Variants in SLC2A9 observed in about 807,000 individuals in gnomAD.
SLC2A9 encodes solute carrier family 2, facilitated glucose transporter member 9.
A neutral mutation model predicts 50.6 loss-of-function variants in SLC2A9; 39 were observed. The observed-to-expected ratio is 0.77, with a 90% CI of 0.60 to 1.01. The LOEUF (loss-of-function observed/expected upper bound fraction) is 1.01. Ranked by LOEUF, SLC2A9 falls within the 50% of genes least tolerant of loss-of-function variation. The pLI is 0.00. For missense variants in SLC2A9, 686 were observed against 677.6 expected, an observed-to-expected ratio of 1.01 and a Z score of -0.14; for synonymous variants, 324 against 276.9, an observed-to-expected ratio of 1.17 and a Z score of -1.69.
intron 10 of SLC2A9, among the ~76,000 whole-genome samples, chr4:9,839,911 A>C (rs890027902): frequency 6.6e-6 from 1 of 152,174 alleles, no homozygotes; most frequent in East Asian, 1.9e-4. Context: ...AATAATCTGC[A>C]TAACAAACCC....
chr4:9,982,204 C>T (rs969362812), intron 4 of SLC2A9, among the ~76,000 whole-genome samples: 6 of 152,198 alleles, frequency 3.9e-5, no homozygotes, highest in Non-Finnish European at 8.8e-5. Context: ...TTATTACAAA[C>T]AGATCGGCCA....
chr4:9,782,759 A>G (rs1560112212), intron 3 of SLC2A9: 8 of 1,613,894 alleles, frequency 5.0e-6, no homozygotes, highest in Non-Finnish European at 5.9e-6. Context: ...CATGATCGTG[A>G]CCTACACGCG....
chr4:10,009,003 G>A (rs939819556), intron 2 of SLC2A9, among the ~76,000 whole-genome samples: 1 of 151,778 alleles, frequency 6.6e-6, no homozygotes, highest in African/African-American at 2.4e-5. Context: ...GGGGGTGAGG[G>A]GACAAAACTC....
chr4:9,773,397 T>A (rs1329438680), intron 1 of SLC2A9, among the ~76,000 whole-genome samples: 1 of 152,230 alleles, frequency 6.6e-6, no homozygotes, highest in Non-Finnish European at 1.5e-5. Flanking sequence ...TCTTTTGATA[T>A]CAGCAGTGGG....
At chr4:9,773,763 G>C (rs1311313855) in intron 1 of SLC2A9, among the ~76,000 whole-genome samples, 1 of 152,166 alleles carries the variant, frequency 6.6e-6, no homozygotes, top group African/African-American at 2.4e-5. Context: ...TTGGTTTCCA[G>C]TAGCTTTTAA....
At chr4:10,019,888 A>G (rs1763289802) in intron 1 of SLC2A9, among the ~76,000 whole-genome samples, 1 of 152,244 alleles carries the variant, frequency 6.6e-6, no homozygotes, top group Admixed American at 6.5e-5. Flanking sequence ...ATAGGGCAGA[A>G]ACACCTGGAT....
At chr4:9,944,327 ACT>A (rs532712729) in intron 5 of SLC2A9, among the ~76,000 whole-genome samples, 7 of 151,922 alleles carry the variant, frequency 4.6e-5, no homozygotes, top group Non-Finnish European at 1.0e-4. Context: ...TGAGATGGAC[ACT>A]CTCTATTTCC....
At chr4:9,771,261 G>C (rs1402426011) in exon 2 of SLC2A9, 2 of 379,540 alleles carry the variant, frequency 5.3e-6, no homozygotes, top group East Asian at 7.5e-5. Flanking sequence ...GAAAAAGAAG[G>C]GTTTCATATC....
chr4:9,947,027 A>T (rs1749303939), intron 5 of SLC2A9, among the ~76,000 whole-genome samples: 3 of 152,178 alleles, frequency 2.0e-5, no homozygotes, highest in Admixed American at 2.0e-4. Context: ...CAGTGGAAAG[A>T]GCTGGGGTGG....
intron 10 of SLC2A9, among the ~76,000 whole-genome samples, chr4:9,869,986 G>C (rs1199062025): frequency 6.6e-6 from 1 of 152,272 alleles, no homozygotes; most frequent in African/African-American, 2.4e-5. Flanking sequence ...CCTTGTAAGA[G>C]TGTGGAAGAT....
At chr4:9,782,440 C>G (rs1560111557) in intron 3 of SLC2A9, 1 of 1,614,022 alleles carries the variant, frequency 6.2e-7, no homozygotes, top group East Asian at 2.2e-5. Context: ...TCAGCGTGGA[C>G]CGCTACTGGG....
intron 10 of SLC2A9, among the ~76,000 whole-genome samples, chr4:9,859,386 A>G (rs1731249237): frequency 6.6e-6 from 1 of 152,214 alleles, no homozygotes; most frequent in Non-Finnish European, 1.5e-5. Flanking sequence ...AGCTATATTG[A>G]CTGGTAAGAC....
At chr4:10,022,757 A>G (rs1763591129), upstream of SLC2A9, among the ~76,000 whole-genome samples, 1 of 152,160 alleles carries the variant, frequency 6.6e-6, no homozygotes, top group African/African-American at 2.4e-5. Context: ...CATTCCAGGA[A>G]CCTGGAATGT....
chr4:9,958,284 G>A (rs775301870), intron 5 of SLC2A9, among the ~76,000 whole-genome samples: 3 of 152,190 alleles, frequency 2.0e-5, no homozygotes, highest in Non-Finnish European at 4.4e-5. Flanking sequence ...TGCAGGAAAT[G>A]ATTTAGCAAA....
intron 10 of SLC2A9, among the ~76,000 whole-genome samples, chr4:9,840,248 A>G (rs150391338): frequency 6.6e-6 from 1 of 152,186 alleles, no homozygotes; most frequent in East Asian, 1.9e-4. Context: ...AGCTATCTTC[A>G]TAGTTTTATC....
At chr4:9,857,675 C>T (rs1008226882) in intron 10 of SLC2A9, among the ~76,000 whole-genome samples, 3 of 152,296 alleles carry the variant, frequency 2.0e-5, no homozygotes, top group Middle Eastern at 3.4e-3. Context: ...CCCAGAGTTC[C>T]CCAGAGAATC....
At chr4:9,841,895 C>T (rs1728135966) in intron 10 of SLC2A9, among the ~76,000 whole-genome samples, 1 of 152,178 alleles carries the variant, frequency 6.6e-6, no homozygotes, top group Non-Finnish European at 1.5e-5. Context: ...ATTGCTGACT[C>T]ACCTGCTCAC....
intron 3 of SLC2A9, among the ~76,000 whole-genome samples, chr4:9,780,283 G>A (rs1375169310): frequency 6.6e-6 from 1 of 152,208 alleles, no homozygotes; most frequent in Non-Finnish European, 1.5e-5. Context: ...ACAGGATGGA[G>A]GAGGCACAAT....
chr4:10,025,623 T>C (rs1383999979), upstream of SLC2A9: 8 of 430,376 alleles, frequency 1.9e-5, no homozygotes, highest in Non-Finnish European at 3.4e-5. Flanking sequence ...AACATCAATG[T>C]CCCCTTGTTG....
Sources: allele counts gnomAD v4.1 joint callset (sites outside exome capture counted in the v4.1 genomes callset), GRCh38; gene constraint gnomAD v4.1.1; transcripts MANE v1.5; gene names NCBI Gene and HGNC (gene_info 2026-07-23, HGNC 2026-07-21).